Variants in DOCK5 observed in about 807,000 individuals in gnomAD.
DOCK5 encodes the protein dedicator of cytokinesis protein 5.
A neutral mutation model predicts 251.8 loss-of-function variants in DOCK5; 142 were observed. That is an observed-to-expected ratio of 0.56 (90% CI 0.49 to 0.65). DOCK5 has a LOEUF of 0.65. Among genes scored for constraint, DOCK5 ranks in the 30% least tolerant of loss-of-function variants. The pLI is 0.00. For synonymous variants in DOCK5, 842 were observed against 835.5 expected (o/e 1.01, Z -0.13); for missense variants, 2,111 against 2,312.3 (o/e 0.91, Z 1.79).
intron 5 of DOCK5, among the ~76,000 whole-genome samples, chr8:25,282,118 C>T (rs1415194816): frequency 2.0e-5 from 3 of 152,136 alleles, no homozygotes; most frequent in Non-Finnish European, 4.4e-5. Flanking sequence ...GAACAATCCA[C>T]TAAGATTTGT....
chr8:25,332,673 T>G lies in DOCK5; in HGVS notation c.2072T>G (p.Phe691Cys). Residue 691 changes from phenylalanine (F) to cysteine (C), a missense_variant, in exon 20 of 52, where the codon TTC becomes TGC. Physicochemically the swap from Phe to Cys is radical, Grantham distance 205. Coordinates refer to ENST00000276440, the MANE Select transcript of DOCK5 (RefSeq NM_024940.8). Reference sequence around the variant, plus strand: ...ATGTCAGACAGTGAAACCTATGACTTCCTTGTGTTTGACGCACTGGTAAGC... The same window carrying G: ...ATGTCAGACAGTGAAACCTATGACTGCCTTGTGTTTGACGCACTGGTAAGC... ...MEMSDSETYD[F>C]LVFDALVFII... 1 of 1,612,414 alleles carries G rather than the reference T, an allele frequency of 6.2e-7. No individual in the cohort carries two copies. The highest frequency in any genetic ancestry group is 8.5e-7 in the Non-Finnish European group (1 of 1,179,304).
At chr8:25,226,603 CGA>C (rs148665437) in intron 1 of DOCK5, among the ~76,000 whole-genome samples, 15,804 of 142,694 alleles carry the variant, frequency 0.11, 2,366 homozygotes, top group African/African-American at 0.35. Context: ...TTTTTTTTTT[CGA>C]GAGAGAGTCT....
intron 18 of DOCK5, among the ~76,000 whole-genome samples, chr8:25,326,904 G>A (rs555254207): frequency 7.9e-5 from 12 of 152,262 alleles, no homozygotes; most frequent in Non-Finnish European, 1.5e-4. Flanking sequence ...GCTAAATATG[G>A]TATTTCAAAA....
intron 2 of DOCK5, among the ~76,000 whole-genome samples, chr8:25,249,585 C>G (rs56923011): frequency 2.0e-5 from 3 of 152,084 alleles, no homozygotes; most frequent in African/African-American, 7.2e-5. Context: ...CTTCATTTGG[C>G]ATCAGGACTT....
chr8:25,266,923 C>T lies in DOCK5; in HGVS notation c.128-1922C>T, dbSNP rs144148242. Among the ~76,000 whole-genome samples the T allele has an allele frequency of 3.9e-3, 589 of 152,070 alleles. 7 individuals are homozygous for T. The highest frequency in any genetic ancestry group is 9.9e-3 in the African/African-American group (409 of 41,440). On this transcript the variant is annotated intron_variant, in intron 2 of 51. Coordinates refer to ENST00000276440, the MANE Select transcript of DOCK5 (RefSeq NM_024940.8). ...GGTTGTGCAAAATACTGTTTACAAA[C>T]GTACAGATAAATTCTTCTTTGAAAG...
chr8:25,186,373 T>C (rs547686197), intron 1 of DOCK5, among the ~76,000 whole-genome samples: 1 of 149,750 alleles, frequency 6.7e-6, no homozygotes, highest in South Asian at 2.1e-4. Flanking sequence ...TTTTGGTTTG[T>C]TTGTTTTTGA....
intron 5 of DOCK5, among the ~76,000 whole-genome samples, chr8:25,288,475 G>A (rs1019674742): frequency 6.6e-6 from 1 of 152,112 alleles, no homozygotes; most frequent in African/African-American, 2.4e-5. Context: ...TGGTATGGAC[G>A]GGCAATAATT....
chr8:25,408,721 A>G lies in DOCK5; in HGVS notation c.5266-81A>G, dbSNP rs961716835. On this transcript the variant is annotated intron_variant, in intron 49 of 51. Transcript: ENST00000276440. ...TAAGTCCTTTTCCAAGTGTCTTCTC[A>G]GAAGACAAGGCTGTTGAGAGCATTG... The G allele has an allele frequency of 3.4e-5, 53 of 1,542,368 alleles. No individual in the cohort carries two copies. In the African/African-American group the frequency reaches 7.2e-4, roughly 21 times the overall value.
At chr8:25,382,555 T>C (rs1801086232) in intron 39 of DOCK5, 119 bp from the exon 40 acceptor site, 2 of 804,740 alleles carry the variant, frequency 2.5e-6, no homozygotes, top group East Asian at 2.7e-5. Flanking sequence ...TAGGGTGTTT[T>C]CCAAAGACCT....
At chr8:25,259,468 TG>T in intron 2 of DOCK5, among the ~76,000 whole-genome samples, 1 of 152,178 alleles carries the variant, frequency 6.6e-6, no homozygotes, top group East Asian at 1.9e-4. Context: ...TTTTATTTTA[TG>T]TTTTAAGAGG....
chr8:25,319,720 A>C, intron 15 of DOCK5, 44 bp downstream of exon 15: 10 of 1,388,890 alleles, frequency 7.2e-6, no homozygotes, highest in Non-Finnish European at 9.9e-6. Context: ...GTTAAACCTC[A>C]GTTAGATTCC....
At chr8:25,394,135 G>T (rs1016473098) in intron 44 of DOCK5, among the ~76,000 whole-genome samples, 1 of 152,146 alleles carries the variant, frequency 6.6e-6, no homozygotes, top group African/African-American at 2.4e-5. Context: ...GCAAGAAGAT[G>T]GCTTGAGCCC....
rs565057892 is a variant in DOCK5 at position 25,223,152 on chromosome 8, T to C, written c.44-20522T>C. 3.3e-5 allele frequency among the ~76,000 whole-genome samples: 5 copies of C among 152,264 alleles called. No individual in the cohort carries two copies. In the East Asian group the frequency reaches 9.6e-4, roughly 29 times the overall value. ...GATTGGGACTATTGATATGTGAAGGTTTTTAAAAAAAATTTTTGAAATCTT... is the reference window on the plus strand; with the variant it reads ...GATTGGGACTATTGATATGTGAAGGCTTTTAAAAAAAATTTTTGAAATCTT... On this transcript the variant is annotated intron_variant, in intron 1 of 51. Coordinates refer to ENST00000276440, the MANE Select transcript of DOCK5 (RefSeq NM_024940.8).
At chr8:25,306,672 C>T (rs1333868206) in intron 11 of DOCK5, among the ~76,000 whole-genome samples, 1 of 149,548 alleles carries the variant, frequency 6.7e-6, no homozygotes, top group Non-Finnish European at 1.5e-5. Flanking sequence ...CCAGCCTCGG[C>T]GACAGAGCGA....
rs886974568 is a variant in DOCK5, at chr8:25,412,660, C to G, written c.*1362C>G. On this transcript the variant is annotated 3_prime_UTR_variant, in exon 52 of 52. Transcript: ENST00000276440. ...GCAGAAAGCTTTTTGACTGTGAAGG[C>G]AGAGGTCAGCACTGGGGGAAACTTG... 1 of 152,244 alleles carries G rather than the reference C, an allele frequency of 6.6e-6. No individual in the cohort carries two copies. The highest frequency in any genetic ancestry group is 1.5e-5 in the Non-Finnish European group (1 of 68,070). The allele number at this position is 152,244 out of a possible 1,614,324, so 9.4% of individuals were successfully genotyped here.
intron 20 of DOCK5, 34 bp downstream of exon 20, chr8:25,332,726 G>A: frequency 2.6e-6 from 4 of 1,512,494 alleles, no homozygotes; most frequent in Non-Finnish European, 3.6e-6. Context: ...AGTGTTTATT[G>A]TTGCAACTTT....
chr8:25,239,379 G>C (rs1802887561), intron 1 of DOCK5, among the ~76,000 whole-genome samples: 1 of 148,720 alleles, frequency 6.7e-6, no homozygotes, highest in Non-Finnish European at 1.5e-5. Context: ...GTTTCCAGCA[G>C]TCCTTGGTAG....
chr8:25,384,447 A>ATTTTTTTTTTTTTTTTT (rs1563225050), intron 40 of DOCK5, among the ~76,000 whole-genome samples: 1 of 25,282 alleles, frequency 4.0e-5, no homozygotes, highest in Non-Finnish European at 1.2e-4. Context: ...TTATTTATTT[A>ATTTTTTTTTTTTTTTTT]TTTATTTATT....
At chr8:25,187,254 C>T (rs1014410881) in intron 1 of DOCK5, among the ~76,000 whole-genome samples, 7 of 144,264 alleles carry the variant, frequency 4.9e-5, no homozygotes, top group African/African-American at 1.8e-4. Flanking sequence ...TACACACACA[C>T]ACACACGTAT....
Sources: gnomAD v4.1 joint callset for allele counts (sites outside exome capture counted in the v4.1 genomes callset) on GRCh38, gnomAD v4.1.1 for gene constraint, MANE v1.5 for transcripts, NCBI Gene and HGNC (gene_info 2026-07-23, HGNC 2026-07-21) for gene names.